ZNF804B: variants seen among roughly 807,000 people sequenced by gnomAD.
ZNF804B encodes the protein zinc finger protein 804B.
ZNF804B carries 80 observed loss-of-function variants against 101.4 expected under a neutral mutation model. The ratio of observed to expected loss-of-function variants is 0.79; its 90% confidence interval spans 0.66 to 0.95. The LOEUF is 0.95. Among genes scored for constraint, ZNF804B ranks in the 40% least tolerant of loss-of-function variants. The probability of loss-of-function intolerance (pLI) is 0.00; values close to 1 mark genes in which losing one functional copy is unlikely to be tolerated. For missense variants in ZNF804B, 1,673 were observed against 1,561.9 expected, an observed-to-expected ratio of 1.07 and a Z score of -1.20; for synonymous variants, 622 against 558.8, an observed-to-expected ratio of 1.11 and a Z score of -1.59.
At chr7:89,021,059 T>C (rs189091306) in intron 1 of ZNF804B, among the ~76,000 whole-genome samples, 65 of 152,314 alleles carry the variant, frequency 4.3e-4, no homozygotes, top group African/African-American at 1.3e-3. Context: ...TACACTGATA[T>C]CTATACATGT....
intron 1 of ZNF804B, among the ~76,000 whole-genome samples, chr7:89,069,068 C>A (rs905413172): frequency 6.6e-6 from 1 of 152,178 alleles, no homozygotes; most frequent in African/African-American, 2.4e-5. Flanking sequence ...TCAATAAAAT[C>A]AGTTGTGACC....
intron 1 of ZNF804B, among the ~76,000 whole-genome samples, chr7:89,167,257 G>A (rs1791157866): frequency 6.6e-6 from 1 of 150,906 alleles, no homozygotes; most frequent in African/African-American, 2.5e-5. Flanking sequence ...CCAACATGGT[G>A]AAACTCTGTC....
intron 1 of ZNF804B, among the ~76,000 whole-genome samples, chr7:88,953,854 C>T (rs538419907): frequency 6.6e-6 from 1 of 151,568 alleles, no homozygotes; most frequent in Non-Finnish European, 1.5e-5. Flanking sequence ...TTATTGATTG[C>T]ATTCTATTAT....
At chr7:89,323,280 G>A (rs1359038120) in intron 2 of ZNF804B, among the ~76,000 whole-genome samples, 1 of 152,262 alleles carries the variant, frequency 6.6e-6, no homozygotes, top group Non-Finnish European at 1.5e-5. Context: ...TTCTATTATA[G>A]CAAACTGAAT....
chr7:89,064,723 G>A (rs146008993), intron 1 of ZNF804B, among the ~76,000 whole-genome samples: 448 of 152,236 alleles, frequency 2.9e-3, no homozygotes, highest in Middle Eastern at 0.01. Context: ...GGTGCCTATA[G>A]CAAACTGGAG....
chr7:88,920,285 A>C (rs896010016), intron 1 of ZNF804B, among the ~76,000 whole-genome samples: 1 of 152,138 alleles, frequency 6.6e-6, no homozygotes, highest in Non-Finnish European at 1.5e-5. Context: ...TTAATTTTGC[A>C]TGACTGGAAT....
At chr7:88,964,797 A>G (rs1341991299) in intron 1 of ZNF804B, among the ~76,000 whole-genome samples, 3 of 151,468 alleles carry the variant, frequency 2.0e-5, no homozygotes, top group Admixed American at 1.3e-4. Flanking sequence ...CTACTGTGGG[A>G]GCAAAACAGG....
At chr7:89,031,707 A>T (rs2116232097) in intron 1 of ZNF804B, among the ~76,000 whole-genome samples, 1 of 151,594 alleles carries the variant, frequency 6.6e-6, no homozygotes, top group East Asian at 1.9e-4. Flanking sequence ...TGAATAACTA[A>T]TACCCAAGTC....
chr7:88,853,047 T>G (rs1791469355), intron 1 of ZNF804B, among the ~76,000 whole-genome samples: 1 of 152,238 alleles, frequency 6.6e-6, no homozygotes, highest in Middle Eastern at 3.4e-3. Flanking sequence ...CCCTGCACTC[T>G]TCTCTAGCTC....
chr7:88,803,469 A>G (rs10487037), intron 1 of ZNF804B, among the ~76,000 whole-genome samples: 58,444 of 151,938 alleles, frequency 0.38, 11,652 homozygotes, highest in East Asian at 0.51. Context: ...AAGAATTTGC[A>G]CCAGTTGGAT....
intron 2 of ZNF804B, among the ~76,000 whole-genome samples, chr7:89,294,568 A>T (rs535423541): frequency 2.7e-4 from 40 of 150,036 alleles, no homozygotes; most frequent in South Asian, 2.3e-3. Flanking sequence ...CTTTTTTTTT[A>T]AAAAAATGCT....
At chr7:88,910,410 A>G (rs1792531091) in intron 1 of ZNF804B, among the ~76,000 whole-genome samples, 1 of 151,924 alleles carries the variant, frequency 6.6e-6, no homozygotes, top group Admixed American at 6.6e-5. Context: ...TTCCCTAAGA[A>G]AGGTAATTAA....
In ZNF804B at chr7:89,207,450, A is replaced by G. The variant is rs1265121533; in HGVS notation, c.109-10705A>G. 2.0e-5 allele frequency among the ~76,000 whole-genome samples: 3 copies of G among 152,304 alleles called. No homozygotes were observed. In the Middle Eastern group the frequency reaches 0.01, roughly 518 times the overall value. The stretch of plus-strand genomic sequence containing the variant: ...GAGACTTATTCACTATCATGAGAAC[A>G]GCACAGGAAAAAACCCACCCCCAGT... On this transcript the variant is annotated intron_variant, in intron 1 of 3. Coordinates refer to ENST00000333190, the MANE Select transcript of ZNF804B (RefSeq NM_181646.5).
chr7:88,992,745 A>G (rs1793863929), intron 1 of ZNF804B, among the ~76,000 whole-genome samples: 1 of 152,024 alleles, frequency 6.6e-6, no homozygotes, highest in South Asian at 2.1e-4. Context: ...CATTATATTC[A>G]CAGTCCCAGA....
In ZNF804B at chr7:89,068,135, T is replaced by G. The variant is rs578235044; in HGVS notation, c.109-150020T>G. ...ATTTTCAACCAGAGAGCATACTAGA[T>G]GCTTTTATTTATACTAGTTAATTTG... On this transcript the variant is annotated intron_variant, in intron 1 of 3. Transcript: ENST00000333190. Among the ~76,000 whole-genome samples the G allele has an allele frequency of 8.7e-5, 13 of 149,034 alleles. No homozygotes were observed. The South Asian group carries it at 2.8e-3, about 32-fold the overall frequency.
intron 1 of ZNF804B, among the ~76,000 whole-genome samples, chr7:88,894,681 G>T (rs903077710): frequency 6.6e-6 from 1 of 152,028 alleles, no homozygotes; most frequent in Non-Finnish European, 1.5e-5. Flanking sequence ...ATGATAAAAA[G>T]AAATGAGCTG....
At chr7:89,012,048 C>T (rs768139215) in intron 1 of ZNF804B, among the ~76,000 whole-genome samples, 2 of 152,168 alleles carry the variant, frequency 1.3e-5, no homozygotes, top group Non-Finnish European at 2.9e-5. Flanking sequence ...TAGGCAGTGG[C>T]TCCCAAACCT....
At chr7:89,148,836 T>C (rs1412643830) in intron 1 of ZNF804B, among the ~76,000 whole-genome samples, 1 of 152,096 alleles carries the variant, frequency 6.6e-6, no homozygotes, top group Non-Finnish European at 1.5e-5. Context: ...TTCAATCTAT[T>C]CCATTCTTTG....
intron 1 of ZNF804B, among the ~76,000 whole-genome samples, chr7:89,204,874 C>T (rs1584052420): frequency 6.6e-6 from 1 of 152,082 alleles, no homozygotes; most frequent in Non-Finnish European, 1.5e-5. Flanking sequence ...AATAGTTTCT[C>T]TTATTATTAT....
Sources: gnomAD v4.1 joint callset for allele counts (sites outside exome capture counted in the v4.1 genomes callset) on GRCh38, gnomAD v4.1.1 for gene constraint, MANE v1.5 for transcripts, NCBI Gene and HGNC (gene_info 2026-07-23, HGNC 2026-07-21) for gene names.